The following CEP63 variants were observed in gnomAD, a reference collection of about 807,000 sequenced individuals.
CEP63 encodes the protein centrosomal protein of 63 kDa.
CEP63 carries 84 observed loss-of-function variants against 89.1 expected under a neutral mutation model. That is an observed-to-expected ratio of 0.94 (90% CI 0.79 to 1.13). The LOEUF (loss-of-function observed/expected upper bound fraction) is 1.13. Ranked by LOEUF, CEP63 falls within the 50% of genes most tolerant of loss-of-function variation. The pLI, the probability that CEP63 is intolerant of heterozygous loss-of-function variation, is 0.00. For synonymous variants in CEP63, 267 were observed against 272.5 expected, an observed-to-expected ratio of 0.98 and a Z score of 0.20; for missense variants, 838 against 813.3, an observed-to-expected ratio of 1.03 and a Z score of -0.37.
intron 1 of CEP63, among the ~76,000 whole-genome samples, chr3:134,487,743 A>G (rs899526287): frequency 6.6e-6 from 1 of 152,226 alleles, no homozygotes; most frequent in Admixed American, 6.5e-5. Flanking sequence ...AAATTAATAA[A>G]AATTCTCTAA....
intron 3 of CEP63, among the ~76,000 whole-genome samples, chr3:134,522,360 C>T (rs941186167): frequency 6.6e-6 from 1 of 152,134 alleles, no homozygotes; most frequent in African/African-American, 2.4e-5. Context: ...GCGTTTTCTT[C>T]TGGATGTGGG....
In CEP63 at chr3:134,561,381, C is replaced by T; in HGVS notation, c.1958C>T (p.Ser653Phe). ...NDQEEFISSC[S>F]LPVSPLGSIA... ...CAAAATTTGTGTCTCTTCCAGTGTT[C>T]CTTGCCTGTATCTCCCCTTGGTTCA... Residue 653 changes from serine (S) to phenylalanine (F), a missense_variant, in exon 15 of 15, where the codon TCC becomes TTC. By Grantham distance (155) the Ser-to-Phe change is radical. Coordinates refer to ENST00000675561, the MANE Select transcript of CEP63 (RefSeq NM_001353108.3). 6.2e-7 allele frequency: 1 copy of T among 1,613,584 alleles called. No individual in the cohort carries two copies. The highest frequency in any genetic ancestry group is 8.5e-7 in the Non-Finnish European group (1 of 1,179,614).
the CEP63 span, among the ~76,000 whole-genome samples, chr3:134,668,051 G>C: frequency 6.6e-6 from 1 of 152,182 alleles, no homozygotes; most frequent in African/African-American, 2.4e-5. Context: ...GGACTCCTTG[G>C]CTCCAGGTGT....
chr3:134,530,683 C>CT (rs1485288035), intron 3 of CEP63, among the ~76,000 whole-genome samples: 1 of 152,084 alleles, frequency 6.6e-6, no homozygotes, highest in East Asian at 1.9e-4. Flanking sequence ...TCACTTACAT[C>CT]TTTTTTTAAA....
At chr3:134,555,679 G>A (rs1223969432) in intron 12 of CEP63, among the ~76,000 whole-genome samples, 3 of 152,034 alleles carry the variant, frequency 2.0e-5, no homozygotes, top group Admixed American at 6.6e-5. Context: ...AATCAATATC[G>A]TGAAAATGGC....
At chr3:134,706,438 A>T in the CEP63 span, among the ~76,000 whole-genome samples, 11 of 152,300 alleles carry the variant, frequency 7.2e-5, no homozygotes, top group Non-Finnish European at 1.6e-4. Flanking sequence ...TGAGATGCTA[A>T]GATGAGAAAG....
chr3:134,651,302 A>G, the CEP63 span: 1 of 1,183,118 alleles, frequency 8.5e-7, no homozygotes, highest in Non-Finnish European at 1.1e-6. Flanking sequence ...GGTGCACTTG[A>G]AGCGCTGGTC....
the CEP63 span, among the ~76,000 whole-genome samples, chr3:134,653,164 T>C: frequency 1.3e-5 from 2 of 152,192 alleles, no homozygotes; most frequent in Non-Finnish European, 2.9e-5. Flanking sequence ...CTTGGCGCTA[T>C]TGACATTTTG....
chr3:134,764,633 C>T, the CEP63 span, among the ~76,000 whole-genome samples: 1 of 152,178 alleles, frequency 6.6e-6, no homozygotes, highest in South Asian at 2.1e-4. Flanking sequence ...CATCGCAATG[C>T]TTCTTATGCT....
the CEP63 span, among the ~76,000 whole-genome samples, chr3:134,595,530 A>G: frequency 2.6e-5 from 4 of 151,994 alleles, no homozygotes; most frequent in African/African-American, 9.7e-5. Flanking sequence ...TCACCCTTCA[A>G]TCCATTGTCT....
chr3:134,538,125 C>G (rs1448126104), intron 6 of CEP63, among the ~76,000 whole-genome samples: 1 of 149,480 alleles, frequency 6.7e-6, no homozygotes, highest in Non-Finnish European at 1.5e-5. Flanking sequence ...GATAATCTGT[C>G]AAGGTTGGTA....
At chr3:134,551,121 G>T (rs1954724799) in intron 11 of CEP63, among the ~76,000 whole-genome samples, 2 of 152,216 alleles carry the variant, frequency 1.3e-5, no homozygotes, top group South Asian at 4.1e-4. Flanking sequence ...GGGGAAACTG[G>T]TGGAGAGGAC....
At chr3:134,592,522 G>A (rs1447860193), downstream of CEP63, among the ~76,000 whole-genome samples, 3 of 146,450 alleles carry the variant, frequency 2.0e-5, no homozygotes, top group Non-Finnish European at 4.5e-5. Context: ...GTGTATGGAG[G>A]AACTGACTGA....
chr3:134,599,717 A>C, the CEP63 span, among the ~76,000 whole-genome samples: 1 of 152,202 alleles, frequency 6.6e-6, no homozygotes, highest in Admixed American at 6.5e-5. Context: ...TGAACCATAG[A>C]GTGGCTGGAG....
chr3:134,592,889 C>T, the CEP63 span, among the ~76,000 whole-genome samples: 2 of 152,012 alleles, frequency 1.3e-5, no homozygotes, highest in Admixed American at 1.3e-4. Context: ...GAGTATATTG[C>T]AGTTGCTCCT....
chr3:134,554,935 G>C (rs1308762636), intron 12 of CEP63, among the ~76,000 whole-genome samples: 1 of 151,756 alleles, frequency 6.6e-6, no homozygotes, highest in Non-Finnish European at 1.5e-5. Flanking sequence ...GGGGTTGTTT[G>C]TTTTTTTCTT....
At chr3:134,602,243 C>T in the CEP63 span, among the ~76,000 whole-genome samples, 17 of 152,138 alleles carry the variant, frequency 1.1e-4, no homozygotes. Flanking sequence ...GGGCCTCTCT[C>T]GCCTTTCCCT....
the CEP63 span, among the ~76,000 whole-genome samples, chr3:134,714,643 T>C: frequency 1.3e-5 from 2 of 152,218 alleles, no homozygotes; most frequent in African/African-American, 4.8e-5. Flanking sequence ...CATTATCCAC[T>C]CCATCATGTG....
At chr3:134,670,807 G>A in the CEP63 span, among the ~76,000 whole-genome samples, 5 of 152,154 alleles carry the variant, frequency 3.3e-5, no homozygotes, top group Admixed American at 3.3e-4. Context: ...ATAAATCATG[G>A]AGTCCTCCCA....
Sources: gnomAD v4.1 joint callset for allele counts (sites outside exome capture counted in the v4.1 genomes callset) on GRCh38, gnomAD v4.1.1 for gene constraint, MANE v1.5 for transcripts, NCBI Gene and HGNC (gene_info 2026-07-23, HGNC 2026-07-21) for gene names.